Variants in CFAP54 observed in about 807,000 individuals in gnomAD.
CFAP54 encodes the protein cilia and flagella associated protein 54.
In CFAP54, 290 loss-of-function variants were observed where a neutral mutation model predicts 370.4. That is an observed-to-expected ratio of 0.78 (90% confidence interval 0.71 to 0.86). CFAP54 has a LOEUF of 0.86. Among genes scored for constraint, CFAP54 ranks in the 40% least tolerant of loss-of-function variants. The pLI is 0.00. For synonymous variants in CFAP54, 1,206 were observed against 1,236.5 expected (o/e 0.98, Z 0.52); for missense variants, 3,399 against 3,528.7 (o/e 0.96, Z 0.93).
intron 26 of CFAP54, among the ~76,000 whole-genome samples, chr12:96,616,535 A>G (rs538268426): frequency 6.6e-6 from 1 of 151,798 alleles, no homozygotes; most frequent in Admixed American, 6.6e-5. Flanking sequence ...ACAGAAAAAG[A>G]TAATTAGATT....
intron 39 of CFAP54, among the ~76,000 whole-genome samples, chr12:96,672,252 G>T (rs1957155706): frequency 6.6e-6 from 1 of 151,988 alleles, no homozygotes; most frequent in Non-Finnish European, 1.5e-5. Context: ...AGAGAGAGTG[G>T]GATACAGGGG....
At chr12:96,839,172 A>G (rs1191876016) in intron 66 of CFAP54, among the ~76,000 whole-genome samples, 1 of 152,198 alleles carries the variant, frequency 6.6e-6, no homozygotes. Flanking sequence ...TTCTAGTCAT[A>G]TAATCTTAGG....
chr12:96,610,241 G>T (rs1024109535), intron 26 of CFAP54, among the ~76,000 whole-genome samples: 19 of 152,142 alleles, frequency 1.2e-4, no homozygotes, highest in Admixed American at 6.5e-5. Flanking sequence ...TTAATGAAAG[G>T]TGCTGGTATA....
intron 47 of CFAP54, among the ~76,000 whole-genome samples, chr12:96,706,247 A>C (rs902830114): frequency 2.0e-5 from 3 of 152,200 alleles, no homozygotes; most frequent in Non-Finnish European, 4.4e-5. Context: ...ACGGAGAACC[A>C]TGCTGTGGGA....
At chr12:96,692,089 A>AT (rs1170014576) in intron 44 of CFAP54, among the ~76,000 whole-genome samples, 56 of 140,726 alleles carry the variant, frequency 4.0e-4, no homozygotes, top group South Asian at 4.7e-4. Flanking sequence ...TCCCCCACAT[A>AT]TTTTTTTCTA....
intron 60 of CFAP54, 107 bp downstream of exon 60, chr12:96,765,325 A>G (rs992220719): frequency 4.6e-5 from 49 of 1,072,412 alleles, no homozygotes; most frequent in Non-Finnish European, 6.1e-5. Context: ...TAGATGGGAT[A>G]ATGTTTGGGG....
At chr12:96,513,976 CA>C (rs1448428512) in intron 5 of CFAP54, among the ~76,000 whole-genome samples, 1 of 152,178 alleles carries the variant, frequency 6.6e-6, no homozygotes, top group Non-Finnish European at 1.5e-5. Flanking sequence ...AGTCACTGCT[CA>C]GTGTTAGCTT....
chr12:96,662,118 T>C (rs2136519285), intron 38 of CFAP54, among the ~76,000 whole-genome samples: 2 of 152,332 alleles, frequency 1.3e-5, no homozygotes, highest in South Asian at 4.1e-4. Flanking sequence ...TATTTGTTTA[T>C]TATCCAAACC....
intron 66 of CFAP54, among the ~76,000 whole-genome samples, chr12:96,841,230 C>A (rs1959212563): frequency 6.6e-6 from 1 of 152,198 alleles, no homozygotes; most frequent in East Asian, 1.9e-4. Context: ...AGTCTGGCCT[C>A]ATTCTGGATA....
intron 17 of CFAP54, among the ~76,000 whole-genome samples, chr12:96,562,099 G>C (rs537936619): frequency 6.6e-6 from 1 of 151,772 alleles, no homozygotes; most frequent in Non-Finnish European, 1.5e-5. Context: ...AGTTCTTTTT[G>C]ATATCTCCAA....
At chr12:96,508,794 G>T (rs1955135702) in intron 4 of CFAP54, among the ~76,000 whole-genome samples, 1 of 149,804 alleles carries the variant, frequency 6.7e-6, no homozygotes, top group African/African-American at 2.5e-5. Context: ...CATTAATTCT[G>T]CCTGCTGAAT....
intron 58 of CFAP54, among the ~76,000 whole-genome samples, chr12:96,763,107 A>G (rs1222726017): frequency 6.6e-6 from 1 of 152,204 alleles, no homozygotes; most frequent in East Asian, 1.9e-4. Flanking sequence ...GATGATTTAA[A>G]TCTTAAGAAA....
At chr12:96,799,846 A>G (rs1700468221) in intron 63 of CFAP54, among the ~76,000 whole-genome samples, 2 of 152,190 alleles carry the variant, frequency 1.3e-5, no homozygotes, top group South Asian at 2.1e-4. Context: ...AGCATTTTTT[A>G]AAAAGAAATG....
At chr12:96,852,050 G>A (rs79865192) in intron 66 of CFAP54, among the ~76,000 whole-genome samples, 1,714 of 152,098 alleles carry the variant, frequency 0.011, 80 homozygotes, top group East Asian at 0.11. Context: ...TATAAATTTT[G>A]TTTCTATATA....
intron 26 of CFAP54, among the ~76,000 whole-genome samples, chr12:96,599,653 AC>A (rs1233593091): frequency 1.3e-5 from 2 of 152,070 alleles, no homozygotes; most frequent in Admixed American, 1.3e-4. Flanking sequence ...ATTTCTCCAC[AC>A]CTTCTCCAGG....
intron 22 of CFAP54, among the ~76,000 whole-genome samples, chr12:96,587,429 T>C (rs1956084286): frequency 6.6e-6 from 1 of 152,122 alleles, no homozygotes; most frequent in African/African-American, 2.4e-5. Flanking sequence ...AGAGGAGGTA[T>C]CTACTGTACT....
In CFAP54 at chr12:96,684,711, T is replaced by C; in HGVS notation, c.5780T>C (p.Leu1927Pro). Residue 1927 changes from leucine (L) to proline (P), a missense_variant, in exon 41 of 68, where the codon CTT (leucine) becomes CCT (proline). By Grantham distance (98) the Leu-to-Pro change is moderately conservative. This residue lies in a region of CFAP54 where 2,796 missense variants were observed against 2,869.7 expected (regional missense o/e 0.97). Transcript: ENST00000524981. The part of the protein sequence containing the change: ...KVQALHSLGS[L>P]LIFAEKKRAA... ...CAGGCGTTGCATTCACTTGGAAGTC[T>C]TCTCATCTTCGCAGAAAAGAAAAGG... is the stretch of plus-strand genomic sequence containing the variant. The C allele has an allele frequency of 6.2e-7, 1 of 1,612,630 alleles. No individual in the cohort carries two copies. Among genetic ancestry groups the C allele is most frequent in the Non-Finnish European group, 8.5e-7 (1 of 1,179,494 alleles).
At chr12:96,723,244 CAG>C (rs1709362451) in intron 50 of CFAP54, among the ~76,000 whole-genome samples, 1 of 151,856 alleles carries the variant, frequency 6.6e-6, no homozygotes, top group African/African-American at 2.4e-5. Flanking sequence ...AAAGTAAAGA[CAG>C]AATTTTAATA....
intron 66 of CFAP54, among the ~76,000 whole-genome samples, chr12:96,849,002 G>A (rs1333696210): frequency 6.6e-6 from 1 of 152,042 alleles, no homozygotes; most frequent in African/African-American, 2.4e-5. Flanking sequence ...ATATATCTAG[G>A]TCCCTCTCAT....
Sources: allele counts gnomAD v4.1 joint callset (sites outside exome capture counted in the v4.1 genomes callset), GRCh38; gene constraint gnomAD v4.1.1; regional missense constraint gnomAD v4.1.1; transcripts MANE v1.5; gene names NCBI Gene and HGNC (gene_info 2026-07-23, HGNC 2026-07-21).